The following BTAF1 variants were observed in gnomAD, a reference collection of about 807,000 sequenced individuals.
The protein encoded by BTAF1 is B-TFIID TATA-box binding protein associated factor 1, also known as TATA-binding protein-associated factor 172.
BTAF1 carries 38 observed loss-of-function variants against 227.1 expected under a neutral mutation model. The observed-to-expected ratio is 0.17, with a 90% CI of 0.13 to 0.22. The LOEUF (loss-of-function observed/expected upper bound fraction) is 0.22. Among genes scored for constraint, BTAF1 ranks in the 10% least tolerant of loss-of-function variants. The pLI is 1.00. For missense variants in BTAF1, 1,598 were observed against 2,204.0 expected (o/e 0.73, Z 5.51); for synonymous variants, 742 against 751.9 (o/e 0.99, Z 0.21).
chr10:92,011,456 T>C, intron 30 of BTAF1, 41 bp downstream of exon 30: 1 of 1,025,422 alleles, frequency 9.8e-7, no homozygotes, highest in Non-Finnish European at 1.3e-6. Context: ...TTTTTATTTT[T>C]ATTTTTCATG....
intron 1 of BTAF1, among the ~76,000 whole-genome samples, chr10:91,927,298 C>T (rs899916176): frequency 6.6e-6 from 1 of 151,912 alleles, no homozygotes; most frequent in African/African-American, 2.4e-5. Flanking sequence ...ACCACCACAC[C>T]CGGCTAATTT....
At chr10:91,930,747 TA>T (rs1376020142) in intron 1 of BTAF1, among the ~76,000 whole-genome samples, 4 of 152,220 alleles carry the variant, frequency 2.6e-5, no homozygotes, top group Non-Finnish European at 5.9e-5. Context: ...TATCTTTCCT[TA>T]CTTCCTGAGT....
At chr10:92,012,772 A>AG (rs1491518133) in intron 30 of BTAF1, among the ~76,000 whole-genome samples, 1 of 37,594 alleles carries the variant, frequency 2.7e-5, no homozygotes, top group African/African-American at 3.7e-5. Context: ...CTCTGTCTCA[A>AG]AAAAAAAAAA....
Position 91,959,174 on chromosome 10 carries a change from A to C in BTAF1, c.990+20A>C, listed in dbSNP as rs1846308383. 1 of 1,613,626 alleles carries C rather than the reference A, an allele frequency of 6.2e-7. No homozygotes were observed. The highest frequency in any genetic ancestry group is 1.7e-5 in the Admixed American group (1 of 59,960). ...GAAGAGGTAAGTGTATTAATGCAACAATTATCACCAAGTATTAATAGTTGG... is the reference window on the plus strand; with the variant it reads ...GAAGAGGTAAGTGTATTAATGCAACCATTATCACCAAGTATTAATAGTTGG... On this transcript the variant is annotated intron_variant, in intron 9 of 37. Coordinates refer to ENST00000265990, the MANE Select transcript of BTAF1 (RefSeq NM_003972.3).
chr10:91,950,837 T>C (rs1460606631), intron 4 of BTAF1, among the ~76,000 whole-genome samples: 1 of 150,684 alleles, frequency 6.6e-6, no homozygotes, highest in Non-Finnish European at 1.5e-5. Context: ...GATGTATTTT[T>C]TTTTTTTTTT....
chr10:91,984,424 T>A lies in BTAF1; in HGVS notation c.2427+20T>A. 6.4e-7 allele frequency: 1 copy of A among 1,569,314 alleles called. No individual in the cohort carries two copies. Among genetic ancestry groups the A allele is most frequent in the Non-Finnish European group, 8.7e-7 (1 of 1,151,328 alleles). On this transcript the variant is annotated intron_variant, in intron 19 of 37. Coordinates refer to ENST00000265990, the MANE Select transcript of BTAF1 (RefSeq NM_003972.3). ...GACTTGGTGAGTAAAGAAATAACTT[T>A]CTTAATTAGAGATAGAACATGAAAT...
intron 32 of BTAF1, 83 bp from the exon 33 acceptor site, chr10:92,016,257 G>T: frequency 6.7e-7 from 1 of 1,502,784 alleles, no homozygotes; most frequent in Non-Finnish European, 8.9e-7. Context: ...AATTACTGCT[G>T]TTATTGGCCT....
At chr10:91,958,367 T>G (rs770329688) in intron 8 of BTAF1, among the ~76,000 whole-genome samples, 2 of 151,980 alleles carry the variant, frequency 1.3e-5, no homozygotes, top group Non-Finnish European at 2.9e-5. Context: ...GGAGCTTAGT[T>G]TTGATGCACA....
chr10:92,006,900 A>G (rs1849931066), intron 25 of BTAF1, among the ~76,000 whole-genome samples: 1 of 152,228 alleles, frequency 6.6e-6, no homozygotes, highest in Non-Finnish European at 1.5e-5. Context: ...TTCCAAGTTT[A>G]ATACCCATAA....
At position 91,984,364 on chromosome 10, in the gene BTAF1, T is replaced by C. The variant is rs893137546; in HGVS notation, c.2387T>C (p.Val796Ala). The change falls in exon 19 of 38, where the codon GTA becomes GCA. Residue 796 changes from valine (V) to alanine (A), a missense_variant. Coordinates refer to ENST00000265990, the MANE Select transcript of BTAF1 (RefSeq NM_003972.3). ...GTACATATTGAAGTTGGTAATCGAGTAAACAACAATGTTTTAACAATAGAT... is the reference window on the plus strand; with the variant it reads ...GTACATATTGAAGTTGGTAATCGAGCAAACAACAATGTTTTAACAATAGAT... ...ADVHIEVGNR[V>A]NNNVLTIDQA... 31 of 1,612,576 alleles carry C rather than the reference T, an allele frequency of 1.9e-5. No individual in the cohort carries two copies. The highest frequency in any genetic ancestry group is 2.7e-5 in the African/African-American group (2 of 74,904).
intron 25 of BTAF1, among the ~76,000 whole-genome samples, chr10:91,998,932 A>G (rs833383): frequency 0.59 from 89,802 of 151,696 alleles, 30,355 homozygotes; most frequent in East Asian, 0.77. Context: ...GCGTGGTGGC[A>G]CACACCTGTA....
intron 6 of BTAF1, among the ~76,000 whole-genome samples, chr10:91,954,490 A>G (rs1845963319): frequency 6.6e-6 from 1 of 152,120 alleles, no homozygotes; most frequent in African/African-American, 2.4e-5. Context: ...AGCATTTCTC[A>G]AAGGGTGGTT....
Position 91,997,652 on chromosome 10 carries a change from A to G in BTAF1, c.3561A>G (p.Leu1187=). Residue 1187 remains leucine (L), a synonymous_variant, in exon 25 of 38, where the codon TTA becomes TTG. Transcript: ENST00000265990. The part of the protein sequence containing the change: ...DVGIVPYIVL[L]VVPVLGRMSD... The stretch of plus-strand genomic sequence containing the variant: ...GTATTGTTCCATATATTGTCCTTTT[A>G]GTTGTTCCTGTATTAGGAAGAATGA... 2 of 1,613,748 alleles carry G rather than the reference A, an allele frequency of 1.2e-6. No individual in the cohort carries two copies. Among genetic ancestry groups the G allele is most frequent in the South Asian group, 1.1e-5 (1 of 91,080 alleles).
intron 15 of BTAF1, 76 bp downstream of exon 15, chr10:91,980,634 C>T: frequency 3.5e-6 from 4 of 1,128,852 alleles, no homozygotes; most frequent in East Asian, 4.8e-5. Context: ...AATTGCTGTT[C>T]TGTTGGTCAT....
intron 14 of BTAF1, among the ~76,000 whole-genome samples, chr10:91,973,516 G>T (rs910657631): frequency 2.0e-5 from 3 of 152,162 alleles, no homozygotes; most frequent in African/African-American, 4.8e-5. Flanking sequence ...GCTGTTGAGG[G>T]CTTACTTTAT....
rs1182165993 is a variant in BTAF1, at chr10:92,029,474, A to G, written c.*541A>G. On this transcript the variant is annotated 3_prime_UTR_variant, in exon 38 of 38. Transcript: ENST00000265990. The stretch of plus-strand genomic sequence containing the variant: ...TCGGGCCCTTGGTGGAAACATTTAT[A>G]TATTTAATGCAGATGCATAGTGTTT... 6.6e-6 allele frequency: 1 copy of G among 152,400 alleles called. No individual in the cohort carries two copies. The highest frequency in any genetic ancestry group is 1.5e-5 in the Non-Finnish European group (1 of 67,932). The allele number at this position is 152,400 out of a possible 1,614,324, so 9.4% of individuals were successfully genotyped here.
chr10:91,936,570 A>G (rs936469412), intron 2 of BTAF1, among the ~76,000 whole-genome samples: 71 of 152,302 alleles, frequency 4.7e-4, no homozygotes, highest in African/African-American at 1.7e-3. Flanking sequence ...TGCTACCACA[A>G]GGACTAACAG....
At chr10:91,950,014 T>C (rs182018257) in intron 4 of BTAF1, among the ~76,000 whole-genome samples, 1 of 151,818 alleles carries the variant, frequency 6.6e-6, no homozygotes, top group African/African-American at 2.4e-5. Context: ...TGGTGACACA[T>C]GCATATGGTC....
intron 15 of BTAF1, among the ~76,000 whole-genome samples, chr10:91,980,779 T>G (rs1394861809): frequency 6.6e-6 from 1 of 152,144 alleles, no homozygotes; most frequent in Non-Finnish European, 1.5e-5. Flanking sequence ...CTTACACAGG[T>G]GTTTTAAGCA....
Sources: gnomAD v4.1 joint callset for allele counts (sites outside exome capture counted in the v4.1 genomes callset) on GRCh38, gnomAD v4.1.1 for gene constraint, MANE v1.5 for transcripts, NCBI Gene and HGNC (gene_info 2026-07-23, HGNC 2026-07-21) for gene names.